The following DIS3L2 variants were observed in gnomAD, a reference collection of about 807,000 sequenced individuals.
DIS3L2 encodes the protein DIS3 like 3'-5' exoribonuclease 2.
DIS3L2 carries 34 observed loss-of-function variants against 97.5 expected under a neutral mutation model. The ratio of observed to expected loss-of-function variants is 0.35; its 90% confidence interval spans 0.27 to 0.46. DIS3L2 has a LOEUF of 0.46. Ranked by LOEUF, DIS3L2 falls within the 20% of genes least tolerant of loss-of-function variation. The probability of loss-of-function intolerance (pLI) is 1.00; values close to 1 mark genes in which losing one functional copy is unlikely to be tolerated. For missense variants in DIS3L2, 1,038 were observed against 1,146.0 expected, an observed-to-expected ratio of 0.91 and a Z score of 1.36; for synonymous variants, 435 against 445.2, an observed-to-expected ratio of 0.98 and a Z score of 0.29.
chr2:232,218,707 C>A (rs1174587016), intron 10 of DIS3L2, among the ~76,000 whole-genome samples: 1 of 152,228 alleles, frequency 6.6e-6, no homozygotes, highest in Non-Finnish European at 1.5e-5. Flanking sequence ...ACATTTGATT[C>A]CTTTTCCTCT....
chr2:231,976,893 G>A lies in DIS3L2; in HGVS notation c.-94+15128G>A, dbSNP rs927836332. On this transcript the variant is annotated intron_variant, in intron 1 of 20. Transcript: ENST00000325385. ...TGCCATTCTCCCGCCTCAGCCTCCC[G>A]AGTAGCTGGGACAGCAGGTGCCCGC... Among the ~76,000 whole-genome samples the A allele has an allele frequency of 7.4e-5, 11 of 148,110 alleles. No individual in the cohort carries two copies. In the East Asian group the frequency reaches 1.3e-3, roughly 17 times the overall value.
At chr2:232,204,967 C>G (rs768842661) in intron 9 of DIS3L2, among the ~76,000 whole-genome samples, 1 of 152,054 alleles carries the variant, frequency 6.6e-6, no homozygotes, top group Non-Finnish European at 1.5e-5. Flanking sequence ...CTCACCGTTC[C>G]TTTGCTTCTC....
Position 232,239,711 on chromosome 2 carries a change from C to G in DIS3L2, c.1317+1066C>G, listed in dbSNP as rs11676125. On this transcript the variant is annotated intron_variant, in intron 11 of 20. Coordinates refer to ENST00000325385, the MANE Select transcript of DIS3L2 (RefSeq NM_152383.5). The stretch of plus-strand genomic sequence containing the variant: ...TAGAATGCAGCACCACAGGTGCATT[C>G]TAGAATTTCTGGGCTCCACTTCTAG... Among the ~76,000 whole-genome samples the G allele has an allele frequency of 2.8e-3, 430 of 152,334 alleles. 1 individual carries two copies. Among genetic ancestry groups the G allele is most frequent in the Non-Finnish European group, 4.7e-3 (318 of 68,024 alleles).
intron 13 of DIS3L2, among the ~76,000 whole-genome samples, chr2:232,297,207 A>T (rs144145885): frequency 6.6e-6 from 1 of 151,994 alleles, no homozygotes; most frequent in South Asian, 2.1e-4. Context: ...GCCCTTCTCT[A>T]CCTGACCATC....
intron 11 of DIS3L2, among the ~76,000 whole-genome samples, chr2:232,243,025 C>A (rs17277920): frequency 6.6e-6 from 1 of 152,174 alleles, no homozygotes; most frequent in African/African-American, 2.4e-5. Flanking sequence ...CAAACACTTG[C>A]AATGCATCAG....
intron 11 of DIS3L2, among the ~76,000 whole-genome samples, chr2:232,246,398 G>A (rs1693249556): frequency 6.6e-6 from 1 of 152,218 alleles, no homozygotes; most frequent in Non-Finnish European, 1.5e-5. Flanking sequence ...GGGGTGCAGT[G>A]GGAAGGCCCA....
intron 6 of DIS3L2, among the ~76,000 whole-genome samples, chr2:232,101,945 A>T (rs959505686): frequency 6.6e-6 from 1 of 152,252 alleles, no homozygotes; most frequent in African/African-American, 2.4e-5. Context: ...ACATGGACTC[A>T]AAGTATCATG....
chr2:232,135,541 G>A (rs751987291), intron 7 of DIS3L2, among the ~76,000 whole-genome samples: 1 of 152,188 alleles, frequency 6.6e-6, no homozygotes, highest in Non-Finnish European at 1.5e-5. Context: ...TTTCAGGGAA[G>A]AAGGAAGAGT....
intron 9 of DIS3L2, among the ~76,000 whole-genome samples, chr2:232,176,082 G>T (rs1410196275): frequency 6.6e-6 from 1 of 152,024 alleles, no homozygotes; most frequent in East Asian, 1.9e-4. Context: ...ATAGAGACAG[G>T]GTTTCACCAT....
chr2:232,308,738 C>T (rs1695045887), intron 14 of DIS3L2, among the ~76,000 whole-genome samples: 1 of 152,144 alleles, frequency 6.6e-6, no homozygotes, highest in Admixed American at 6.5e-5. Flanking sequence ...GTTCTCTTCC[C>T]CAGCACCTGA....
chr2:232,071,151 GA>G (rs1262826434), intron 5 of DIS3L2, among the ~76,000 whole-genome samples: 5 of 152,082 alleles, frequency 3.3e-5, no homozygotes, highest in African/African-American at 1.2e-4. Flanking sequence ...TTTTTAAAGG[GA>G]GTTAATATAG....
intron 8 of DIS3L2, among the ~76,000 whole-genome samples, chr2:232,139,454 T>A (rs1323310108): frequency 6.6e-6 from 1 of 152,142 alleles, no homozygotes; most frequent in African/African-American, 2.4e-5. Context: ...TGGTCTAGCT[T>A]GAGGCAGGTG....
At chr2:232,090,113 G>T (rs188999114) in intron 6 of DIS3L2, among the ~76,000 whole-genome samples, 1 of 152,084 alleles carries the variant, frequency 6.6e-6, no homozygotes, top group Admixed American at 6.5e-5. Context: ...TGTTGTTGTT[G>T]TTGTTTTTTA....
intron 16 of DIS3L2, among the ~76,000 whole-genome samples, chr2:232,333,486 C>T (rs887783949): frequency 1.2e-4 from 18 of 152,276 alleles, no homozygotes; most frequent in Admixed American, 1.2e-3. Flanking sequence ...TGCCCCCTAC[C>T]CTGACAGCAT....
At chr2:232,029,247 T>C (rs1169249362) in intron 4 of DIS3L2, among the ~76,000 whole-genome samples, 2 of 152,150 alleles carry the variant, frequency 1.3e-5, no homozygotes, top group Non-Finnish European at 2.9e-5. Context: ...AGGATAAGAG[T>C]ACATGTTTGT....
chr2:232,101,460 A>G (rs148995349), intron 6 of DIS3L2, among the ~76,000 whole-genome samples: 31 of 152,306 alleles, frequency 2.0e-4, no homozygotes, highest in Middle Eastern at 3.4e-3. Context: ...ATTTATCATC[A>G]GTATTTAGTG....
intron 9 of DIS3L2, among the ~76,000 whole-genome samples, chr2:232,168,023 G>A (rs1559697374): frequency 6.6e-6 from 1 of 151,996 alleles, no homozygotes; most frequent in Non-Finnish European, 1.5e-5. Context: ...ACTCCAGCCT[G>A]GGTGACAGAG....
At chr2:232,250,131 C>T (rs1453643890) in intron 12 of DIS3L2, among the ~76,000 whole-genome samples, 1 of 152,094 alleles carries the variant, frequency 6.6e-6, no homozygotes, top group Non-Finnish European at 1.5e-5. Flanking sequence ...TAAGTAAGCC[C>T]TGGTGCCTTC....
downstream of DIS3L2, among the ~76,000 whole-genome samples, chr2:232,337,800 C>T (rs983960322): frequency 3.3e-5 from 5 of 151,676 alleles, no homozygotes; most frequent in South Asian, 2.1e-4. Flanking sequence ...CAGAGTGCCT[C>T]GCAGCGACAG....
Sources: allele counts gnomAD v4.1 joint callset (sites outside exome capture counted in the v4.1 genomes callset), GRCh38; gene constraint gnomAD v4.1.1; transcripts MANE v1.5; gene names NCBI Gene and HGNC (gene_info 2026-07-23, HGNC 2026-07-21).